KCNMA1: variants seen among roughly 807,000 people sequenced by gnomAD.
The protein encoded by KCNMA1 is Calcium-activated potassium channel subunit alpha-1.
Under a neutral mutation model 140.0 loss-of-function variants are expected in KCNMA1, and 29 were observed. The observed-to-expected ratio is 0.21, with a 90% confidence interval of 0.15 to 0.28. KCNMA1 has a LOEUF of 0.28. KCNMA1 is among the 10% of genes least tolerant of loss of function. The pLI is 1.00. For synonymous variants in KCNMA1, 612 were observed against 611.9 expected (o/e 1.00, Z 0.00); for missense variants, 880 against 1,602.2 (o/e 0.55, Z 7.70).
intron 19 of KCNMA1, chr10:76,974,324 A>T: frequency 1.9e-6 from 1 of 522,664 alleles, no homozygotes; most frequent in Non-Finnish European, 3.4e-6. Flanking sequence ...ATCGTTTTTT[A>T]CGGTTTTCCC....
At chr10:77,196,254 T>C (rs957111624) in intron 3 of KCNMA1, among the ~76,000 whole-genome samples, 4 of 152,216 alleles carry the variant, frequency 2.6e-5, no homozygotes, top group African/African-American at 9.6e-5. Context: ...CCACTTTCTG[T>C]TGGGCTTCAG....
intron 5 of KCNMA1, among the ~76,000 whole-genome samples, chr10:77,123,136 C>T (rs914191384): frequency 7.6e-6 from 1 of 131,062 alleles, no homozygotes; most frequent in African/African-American, 2.9e-5. Flanking sequence ...GCCGAGATCG[C>T]GCCACTGCAC....
chr10:77,368,801 C>T (rs1360640432), intron 2 of KCNMA1, among the ~76,000 whole-genome samples: 2 of 152,178 alleles, frequency 1.3e-5, no homozygotes, highest in Non-Finnish European at 2.9e-5. Context: ...AAGACTCCTT[C>T]TCCATTGAAT....
intron 1 of KCNMA1, among the ~76,000 whole-genome samples, chr10:77,471,612 A>G (rs2098154064): frequency 6.7e-6 from 1 of 149,420 alleles, no homozygotes; most frequent in African/African-American, 2.5e-5. Context: ...CACACACACT[A>G]TACATATACA....
At chr10:76,928,284 C>T (rs115473690) in intron 23 of KCNMA1, among the ~76,000 whole-genome samples, 1,897 of 83,726 alleles carry the variant, frequency 0.023, 21 homozygotes, top group African/African-American at 0.042. Flanking sequence ...CACGAACACG[C>T]GCGCGCACAC....
downstream of KCNMA1, chr10:76,875,847 A>G (rs7908954): frequency 0.058 from 8,835 of 152,734 alleles, 301 homozygotes; most frequent in South Asian, 0.16. Flanking sequence ...AAATGTTTAT[A>G]AGCCTGAATA....
intron 1 of KCNMA1, among the ~76,000 whole-genome samples, chr10:77,464,944 C>T (rs2097956614): frequency 6.6e-6 from 1 of 152,096 alleles, no homozygotes; most frequent in South Asian, 2.1e-4. Context: ...CTGAAGTGGC[C>T]AATTACCTGC....
At chr10:77,201,159 G>T (rs764475429) in intron 3 of KCNMA1, among the ~76,000 whole-genome samples, 12 of 152,150 alleles carry the variant, frequency 7.9e-5, no homozygotes, top group Non-Finnish European at 1.6e-4. Flanking sequence ...CAGGTAATGT[G>T]CTTTCTCTTT....
At position 77,558,583 on chromosome 10, in the gene KCNMA1, C is replaced by T. The variant is rs571283601; in HGVS notation, c.378+78682G>A. Among the ~76,000 whole-genome samples, 5 of 152,258 alleles carry T rather than the reference C, an allele frequency of 3.3e-5. No homozygotes were observed. In the South Asian group the frequency reaches 1.0e-3, roughly 32 times the overall value. On this transcript the variant is annotated intron_variant, in intron 1 of 27. Transcript: ENST00000286628. ...CCTCATTAAAACTGGTATCAACCAA[C>T]CCTCTTGTACACAGACCCCTGTGGT...
intron 6 of KCNMA1, among the ~76,000 whole-genome samples, chr10:77,118,623 C>T (rs1401850476): frequency 6.6e-6 from 1 of 152,184 alleles, no homozygotes; most frequent in Non-Finnish European, 1.5e-5. Flanking sequence ...CTACCCCTCA[C>T]ATGCCCAGCC....
intron 2 of KCNMA1, among the ~76,000 whole-genome samples, chr10:77,338,110 G>T (rs1450547100): frequency 6.6e-6 from 1 of 152,152 alleles, no homozygotes; most frequent in African/African-American, 2.4e-5. Context: ...GTAAGGGAAG[G>T]GGTGAGTGAG....
chr10:76,906,464 T>A (rs1183865096), intron 25 of KCNMA1, among the ~76,000 whole-genome samples: 1 of 152,236 alleles, frequency 6.6e-6, no homozygotes, highest in African/African-American at 2.4e-5. Context: ...GTTCCAGGAA[T>A]GCCTGTGATG....
chr10:77,314,926 ACACACAC>A (rs2080387769), intron 2 of KCNMA1, among the ~76,000 whole-genome samples: 2 of 5,548 alleles, frequency 3.6e-4, no homozygotes, highest in African/African-American at 2.5e-3. Context: ...CACCCCCAAC[ACACACAC>A]ACACACACAC....
At chr10:77,102,038 G>A (rs2097109695) in intron 9 of KCNMA1, among the ~76,000 whole-genome samples, 1 of 152,210 alleles carries the variant, frequency 6.6e-6, no homozygotes, top group African/African-American at 2.4e-5. Flanking sequence ...ATAGTACGAT[G>A]TGTAGCTCAG....
intron 2 of KCNMA1, among the ~76,000 whole-genome samples, chr10:77,328,604 A>T (rs1358599116): frequency 6.6e-6 from 1 of 152,192 alleles, no homozygotes; most frequent in Non-Finnish European, 1.5e-5. Context: ...CCTGAAAGAG[A>T]CAAGTGGACA....
intron 1 of KCNMA1, among the ~76,000 whole-genome samples, chr10:77,509,299 A>C (rs919199836): frequency 1.7e-4 from 26 of 151,956 alleles, no homozygotes; most frequent in African/African-American, 5.6e-4. Context: ...TTGTCTTTTT[A>C]GTAGAGACGG....
intron 20 of KCNMA1, among the ~76,000 whole-genome samples, chr10:76,966,654 G>A (rs1334749900): frequency 6.6e-6 from 1 of 152,120 alleles, no homozygotes. Flanking sequence ...ATTGGGCAAC[G>A]GGTGCTTGGT....
At chr10:77,293,316 G>A (rs774685942) in intron 2 of KCNMA1, among the ~76,000 whole-genome samples, 1 of 152,226 alleles carries the variant, frequency 6.6e-6, no homozygotes, top group African/African-American at 2.4e-5. Context: ...GAAGGTCTAA[G>A]AGAGAGCTAC....
intron 3 of KCNMA1, among the ~76,000 whole-genome samples, chr10:77,226,988 A>C (rs908927190): frequency 6.6e-6 from 1 of 152,128 alleles, no homozygotes; most frequent in African/African-American, 2.4e-5. Flanking sequence ...CTTCTTAGGG[A>C]GCAATTAAGG....
Sources: allele counts gnomAD v4.1 joint callset (sites outside exome capture counted in the v4.1 genomes callset), GRCh38; gene constraint gnomAD v4.1.1; transcripts MANE v1.5; gene names NCBI Gene and HGNC (gene_info 2026-07-23, HGNC 2026-07-21).